Variants in NAALADL2 observed in about 807,000 individuals in gnomAD.
The protein encoded by NAALADL2 is N-acetylated alpha-linked acidic dipeptidase like 2, also known as inactive N-acetylated-alpha-linked acidic dipeptidase-like protein 2.
NAALADL2 carries 76 observed loss-of-function variants against 87.2 expected under a neutral mutation model. The observed-to-expected ratio is 0.87, with a 90% CI of 0.72 to 1.05. NAALADL2 has a LOEUF of 1.05. NAALADL2 is among the 50% of genes least tolerant of loss of function. The pLI is 0.00. For synonymous variants in NAALADL2, 354 were observed against 331.0 expected, an observed-to-expected ratio of 1.07 and a Z score of -0.75; for missense variants, 1,089 against 945.8, an observed-to-expected ratio of 1.15 and a Z score of -1.99.
At chr3:175,414,838 G>A (rs2149102018) in intron 5 of NAALADL2, among the ~76,000 whole-genome samples, 1 of 152,182 alleles carries the variant, frequency 6.6e-6, no homozygotes, top group Admixed American at 6.5e-5. Flanking sequence ...GGTTATGCAG[G>A]AAAATGCTTA....
chr3:175,752,711 C>T (rs1029621122), intron 12 of NAALADL2, among the ~76,000 whole-genome samples: 5 of 152,090 alleles, frequency 3.3e-5, no homozygotes, highest in Admixed American at 1.3e-4. Context: ...ATCTGTACTA[C>T]CATGAAAGAT....
At chr3:174,558,438 T>C (rs1399965238) in intron 2 of NAALADL2, among the ~76,000 whole-genome samples, 1 of 152,108 alleles carries the variant, frequency 6.6e-6, no homozygotes, top group Non-Finnish European at 1.5e-5. Flanking sequence ...CTCATCATAA[T>C]GTACAATCAG....
At chr3:175,391,489 G>A (rs1336131716) in intron 5 of NAALADL2, among the ~76,000 whole-genome samples, 2 of 152,186 alleles carry the variant, frequency 1.3e-5, no homozygotes, top group Admixed American at 6.5e-5. Context: ...GCAAGGAACT[G>A]AGAGAGGCCT....
At chr3:174,636,862 C>G (rs958222127) in intron 2 of NAALADL2, among the ~76,000 whole-genome samples, 2 of 152,100 alleles carry the variant, frequency 1.3e-5, no homozygotes, top group Admixed American at 6.5e-5. Context: ...AAAGACATAC[C>G]TGCATTCCCA....
chr3:174,464,265 C>T (rs1577965806), intron 1 of NAALADL2, among the ~76,000 whole-genome samples: 1 of 151,960 alleles, frequency 6.6e-6, no homozygotes, highest in Admixed American at 6.6e-5. Context: ...GTATTCTAAC[C>T]TTATTCCAAT....
At chr3:174,743,057 A>G (rs758709791) in intron 3 of NAALADL2, among the ~76,000 whole-genome samples, 5 of 151,888 alleles carry the variant, frequency 3.3e-5, no homozygotes, top group East Asian at 1.9e-4. Context: ...CATCAAGCCC[A>G]CATTCACTAA....
chr3:174,837,753 C>T (rs972292974), intron 3 of NAALADL2, among the ~76,000 whole-genome samples: 36 of 152,060 alleles, frequency 2.4e-4, no homozygotes, highest in Non-Finnish European at 7.4e-5. Flanking sequence ...GAGATCATGC[C>T]ACTGCACTGC....
At chr3:174,610,089 G>C (rs1378772118) in intron 2 of NAALADL2, among the ~76,000 whole-genome samples, 1 of 151,602 alleles carries the variant, frequency 6.6e-6, no homozygotes, top group Non-Finnish European at 1.5e-5. Context: ...AATAAATGGT[G>C]CTGGGAAAAC....
intron 1 of NAALADL2, among the ~76,000 whole-genome samples, chr3:174,537,132 T>C (rs2108455114): frequency 6.6e-6 from 1 of 152,302 alleles, no homozygotes; most frequent in South Asian, 2.1e-4. Flanking sequence ...TATTGAAGAC[T>C]TACACTGAGC....
chr3:175,115,231 G>T (rs747596771), intron 2 of NAALADL2: 4 of 151,364 alleles, frequency 2.6e-5, no homozygotes, highest in African/African-American at 7.3e-5. Flanking sequence ...AGCTTGCCTT[G>T]TCTGTCATAG....
chr3:174,937,843 G>C (rs1239611693), intron 1 of NAALADL2, among the ~76,000 whole-genome samples: 2 of 151,976 alleles, frequency 1.3e-5, no homozygotes, highest in Non-Finnish European at 2.9e-5. Flanking sequence ...CAGTTTATCT[G>C]TGTGCCATAG....
In NAALADL2 at chr3:175,413,407, TA is replaced by T. The variant is rs1713978074; in HGVS notation, c.1091-33818del. On this transcript the variant is annotated intron_variant, in intron 5 of 13. Transcript: ENST00000454872. ...TAACACGGTGAAACCCCATCTCTAC[TA>T]AAAGTACAAAAAATTGGCCGGGCAT... 3.3e-5 allele frequency among the ~76,000 whole-genome samples: 5 copies of T among 150,878 alleles called. No individual in the cohort carries two copies. The South Asian group carries it at 1.1e-3, about 32-fold the overall frequency.
At chr3:174,908,510 A>C (rs866614648) in intron 1 of NAALADL2, among the ~76,000 whole-genome samples, 18 of 152,238 alleles carry the variant, frequency 1.2e-4, no homozygotes, top group South Asian at 2.1e-4. Context: ...TAAGCCTTGA[A>C]AATTTATTTT....
At chr3:175,693,070 C>G (rs1455356423) in intron 11 of NAALADL2, among the ~76,000 whole-genome samples, 2 of 152,104 alleles carry the variant, frequency 1.3e-5, no homozygotes, top group Admixed American at 1.3e-4. Flanking sequence ...AAACAGAGTC[C>G]AGGAAATTTG....
At chr3:174,578,356 G>A (rs1223849638) in intron 2 of NAALADL2, among the ~76,000 whole-genome samples, 1 of 151,794 alleles carries the variant, frequency 6.6e-6, no homozygotes, top group Non-Finnish European at 1.5e-5. Context: ...AAAAGCAAAT[G>A]TAAAGAGAAA....
At chr3:174,890,603 G>A (rs952859189) in intron 1 of NAALADL2, among the ~76,000 whole-genome samples, 2 of 152,096 alleles carry the variant, frequency 1.3e-5, no homozygotes, top group African/African-American at 4.8e-5. Flanking sequence ...AGTGGTTGAG[G>A]GAATTACAAA....
At chr3:174,990,042 A>T (rs1746501363) in intron 1 of NAALADL2, among the ~76,000 whole-genome samples, 1 of 152,288 alleles carries the variant, frequency 6.6e-6, no homozygotes, top group Non-Finnish European at 1.5e-5. Flanking sequence ...TTGAAAAAAA[A>T]TATGGTGTTT....
rs1009843645 is a variant in NAALADL2, at chr3:175,753,745, C to T, written c.1991-1475C>T. ...GCATTTTCATAAGGACCAAGTATTA[C>T]GGGAACTGGTAACCCTTGGACTTTA... is the stretch of plus-strand genomic sequence containing the variant. On this transcript the variant is annotated intron_variant, in intron 12 of 13. Coordinates refer to ENST00000454872, the MANE Select transcript of NAALADL2 (RefSeq NM_207015.3). Among the ~76,000 whole-genome samples the T allele has an allele frequency of 5.3e-5, 8 of 152,108 alleles. No individual in the cohort carries two copies. The East Asian group carries it at 1.4e-3, about 26-fold the overall frequency.
intron 2 of NAALADL2, among the ~76,000 whole-genome samples, chr3:175,159,483 T>C (rs1379213528): frequency 3.9e-5 from 6 of 152,176 alleles, no homozygotes; most frequent in Non-Finnish European, 8.8e-5. Flanking sequence ...ATAATATACA[T>C]ATTTGAATTT....
Sources: allele counts gnomAD v4.1 joint callset (sites outside exome capture counted in the v4.1 genomes callset), GRCh38; gene constraint gnomAD v4.1.1; transcripts MANE v1.5; gene names NCBI Gene and HGNC (gene_info 2026-07-23, HGNC 2026-07-21).